GOSR2: variants seen among roughly 807,000 people sequenced by gnomAD.
The protein encoded by GOSR2 is 27 kDa Golgi SNARE protein.
In GOSR2, 20 loss-of-function variants were observed where a neutral mutation model predicts 27.9. The observed-to-expected ratio is 0.72, with a 90% confidence interval of 0.50 to 1.04. The LOEUF is 1.04. Ranked by LOEUF, GOSR2 falls within the 50% of genes least tolerant of loss-of-function variation. The pLI is 0.00. For synonymous variants in GOSR2, 91 were observed against 98.8 expected (o/e 0.92, Z 0.47); for missense variants, 261 against 270.5 (o/e 0.97, Z 0.25).
chr17:46,928,647 T>G (rs1598954055), intron 1 of GOSR2, among the ~76,000 whole-genome samples: 1 of 152,184 alleles, frequency 6.6e-6, no homozygotes, highest in Admixed American at 6.5e-5. Context: ...TCCTTGATAT[T>G]GTCGGAGAAG....
chr17:46,953,905 G>T (rs2090544931), intron 6 of GOSR2, among the ~76,000 whole-genome samples: 1 of 152,018 alleles, frequency 6.6e-6, no homozygotes, highest in African/African-American at 2.4e-5. Flanking sequence ...TTGTAAATTT[G>T]TTTGAGTTCA....
chr17:46,939,370 G>A lies in GOSR2; in HGVS notation c.*610G>A. ...GATGTAGTGCTATTGCCGATAACAA[G>A]TAAGATTTTCCACACTACAGCTGGG... On this transcript the variant is annotated 3_prime_UTR_variant, in exon 6 of 6. Coordinates refer to ENST00000640051, the MANE Select transcript of GOSR2 (RefSeq NM_004287.5). 1 of 1,001,286 alleles carries A rather than the reference G, an allele frequency of 1.0e-6. No individual in the cohort carries two copies. Among genetic ancestry groups the A allele is most frequent in the South Asian group, 4.3e-5 (1 of 23,234 alleles). 62.0% of individuals were successfully genotyped at this position (1,001,286 alleles called of 1,614,324 possible). A position where few individuals can be genotyped will look rare whatever the true frequency, so the allele number is the denominator to read the frequency against.
intron 6 of GOSR2, among the ~76,000 whole-genome samples, chr17:46,958,923 A>G (rs941697137): frequency 1.1e-4 from 16 of 152,356 alleles, no homozygotes; most frequent in African/African-American, 3.8e-4. Context: ...TCCAAGAACT[A>G]TTACAAGGCT....
intron 6 of GOSR2, among the ~76,000 whole-genome samples, chr17:46,947,334 C>A (rs2089987154): frequency 6.6e-6 from 1 of 152,202 alleles, no homozygotes; most frequent in South Asian, 2.1e-4. Context: ...GAGCACCTGG[C>A]AACCTGAACT....
intron 4 of GOSR2, among the ~76,000 whole-genome samples, chr17:46,933,941 CAAA>C (rs4060607): frequency 1.2e-4 from 18 of 144,364 alleles, no homozygotes; most frequent in South Asian, 4.4e-4. Flanking sequence ...GAGCCTGTCT[CAAA>C]AAAAAAAAAA....
chr17:46,938,026 CCT>C, intron 5 of GOSR2: 1 of 174,206 alleles, frequency 5.7e-6, no homozygotes, highest in Non-Finnish European at 1.2e-5. Context: ...CACCACCACA[CCT>C]GGCTAATTTT....
chr17:46,944,791 G>A (rs1262862798), downstream of GOSR2, among the ~76,000 whole-genome samples: 1 of 151,944 alleles, frequency 6.6e-6, no homozygotes, highest in Non-Finnish European at 1.5e-5. Flanking sequence ...GTAGAAACGG[G>A]GTTTCTCCAT....
intron 6 of GOSR2, among the ~76,000 whole-genome samples, chr17:46,965,721 C>T (rs2091286728): frequency 6.6e-6 from 1 of 152,204 alleles, no homozygotes; most frequent in South Asian, 2.1e-4. Context: ...CTCCTGGGCT[C>T]AATTGATCCT....
At chr17:46,952,249 G>A (rs1344631722) in intron 6 of GOSR2, among the ~76,000 whole-genome samples, 1 of 152,194 alleles carries the variant, frequency 6.6e-6, no homozygotes, top group Admixed American at 6.5e-5. Flanking sequence ...AGCGAGGGCT[G>A]CCTCCTCCAG....
chr17:46,940,077 T>A lies in GOSR2; in HGVS notation c.*1317T>A. On this transcript the variant is annotated 3_prime_UTR_variant, in exon 6 of 6. Transcript: ENST00000640051. ...TGTTAGTTTCTTGTTGCTTGAACTGTCTTCTGTCTTATTTCCCTTCCTTTC... is the reference window on the plus strand; with the variant it reads ...TGTTAGTTTCTTGTTGCTTGAACTGACTTCTGTCTTATTTCCCTTCCTTTC... The A allele has an allele frequency of 9.0e-7, 1 of 1,111,900 alleles. No homozygotes were observed. The highest frequency in any genetic ancestry group is 1.1e-6 in the Non-Finnish European group (1 of 908,240). The allele number at this position is 1,111,900 out of a possible 1,614,324, so 68.9% of individuals were successfully genotyped here.
chr17:46,944,948 C>T (rs1276573313), downstream of GOSR2, among the ~76,000 whole-genome samples: 1 of 152,136 alleles, frequency 6.6e-6, no homozygotes, highest in Non-Finnish European at 1.5e-5. Context: ...AGATTGAGAA[C>T]CACGGCTGTC....
rs2087346997 is a variant in GOSR2 at position 46,931,336 on chromosome 17, A to G, written c.203+129A>G. 8.6e-6 allele frequency: 6 copies of G among 696,824 alleles called. 1 individual carries two copies. In the Middle Eastern group the frequency reaches 1.4e-3, roughly 165 times the overall value. The allele number at this position is 696,824 out of a possible 1,614,324, so 43.2% of individuals were successfully genotyped here. A position where few individuals can be genotyped will look rare whatever the true frequency, so the allele number is the denominator to read the frequency against. Reference sequence around the variant, plus strand: ...TGAAAAACTATGACTATGCAAAGAAAAAGCCCCCTCAAAGGGCACAATTCT... The same window carrying G: ...TGAAAAACTATGACTATGCAAAGAAGAAGCCCCCTCAAAGGGCACAATTCT... On this transcript the variant is annotated intron_variant, in intron 3 of 5. Coordinates refer to ENST00000640051, the MANE Select transcript of GOSR2 (RefSeq NM_004287.5).
downstream of GOSR2, among the ~76,000 whole-genome samples, chr17:46,944,372 C>G (rs2089645480): frequency 6.6e-6 from 1 of 152,206 alleles, no homozygotes; most frequent in African/African-American, 2.4e-5. Context: ...ACCTCTCAGC[C>G]TCAGCTTTCT....
intron 6 of GOSR2, among the ~76,000 whole-genome samples, chr17:46,961,372 T>C (rs1232638654): frequency 6.6e-6 from 1 of 152,038 alleles, no homozygotes; most frequent in East Asian, 1.9e-4. Context: ...ACCCCATCTC[T>C]ACAAAAAACA....
At chr17:46,968,950 G>T (rs2091363549), downstream of GOSR2, 1 of 152,524 alleles carries the variant, frequency 6.6e-6, no homozygotes, top group Admixed American at 6.5e-5. Flanking sequence ...GTTGAAAAAT[G>T]ATTGTTCTAA....
downstream of GOSR2, among the ~76,000 whole-genome samples, chr17:46,946,161 C>T (rs772071618): frequency 1.3e-5 from 2 of 151,744 alleles, no homozygotes; most frequent in Non-Finnish European, 2.9e-5. Flanking sequence ...GTAGGCTGGG[C>T]GCGGTGTCTC....
At position 46,958,704 on chromosome 17, in the gene GOSR2, C is replaced by T. The variant is rs377427390; in HGVS notation, c.584-7830C>T. The stretch of plus-strand genomic sequence containing the variant: ...AGAGTTCTCCCTAGCCTCCAGAGGT[C>T]CTCACAGGGGCACAGTGAGAGATGG... On this transcript the variant is annotated intron_variant, in intron 6 of 6. Transcript: ENST00000573224. Among the ~76,000 whole-genome samples, 4 of 152,352 alleles carry T rather than the reference C, an allele frequency of 2.6e-5. No homozygotes were observed. The East Asian group carries it at 7.7e-4, about 29-fold the overall frequency.
Position 46,929,446 on chromosome 17 carries a change from A to G in GOSR2, c.30-74A>G. On this transcript the variant is annotated intron_variant, in intron 1 of 5. Coordinates refer to ENST00000640051, the MANE Select transcript of GOSR2 (RefSeq NM_004287.5). ...TAAATCAGTTACATGTTGGCATCAG[A>G]AAAATTGTCTTTCCTGACTGAAGCG... 3.7e-6 allele frequency: 3 copies of G among 813,620 alleles called. No homozygotes were observed. In the South Asian group the frequency reaches 4.0e-5, roughly 11 times the overall value. The allele number at this position is 813,620 out of a possible 1,614,324, so 50.4% of individuals were successfully genotyped here.
At chr17:46,930,451 G>C (rs1242455146) in intron 2 of GOSR2, 1 of 152,328 alleles carries the variant, frequency 6.6e-6, no homozygotes, top group Admixed American at 6.5e-5. Flanking sequence ...TATCGAAAGG[G>C]ATAGGGAAAA....
Sources: gnomAD v4.1 joint callset for allele counts (sites outside exome capture counted in the v4.1 genomes callset) on GRCh38, gnomAD v4.1.1 for gene constraint, MANE v1.5 for transcripts, NCBI Gene and HGNC (gene_info 2026-07-23, HGNC 2026-07-21) for gene names.